Variants in BTG4 observed in about 807,000 individuals in gnomAD.
BTG4 encodes the protein BTG anti-proliferation factor 4, also known as protein BTG4.
In BTG4, 10 loss-of-function variants were observed where a neutral mutation model predicts 19.3. The ratio of observed to expected loss-of-function variants is 0.52; its 90% CI spans 0.32 to 0.88. The LOEUF is 0.88. Ranked by LOEUF, BTG4 falls within the 40% of genes least tolerant of loss-of-function variation. The pLI is 0.04. For synonymous variants in BTG4, 91 were observed against 95.7 expected (o/e 0.95, Z 0.29); for missense variants, 238 against 281.9 (o/e 0.84, Z 1.11).
At chr11:111,505,718 A>G (rs1156295437) in intron 1 of BTG4, among the ~76,000 whole-genome samples, 3 of 152,146 alleles carry the variant, frequency 2.0e-5, no homozygotes, top group Non-Finnish European at 4.4e-5. Context: ...AAATATTTAC[A>G]AATTATACCT....
chr11:111,391,486 G>T, the BTG4 span, among the ~76,000 whole-genome samples: 4 of 152,172 alleles, frequency 2.6e-5, no homozygotes, highest in South Asian at 8.3e-4. Flanking sequence ...CTCAGGTTAC[G>T]CAGAACCTAG....
upstream of BTG4, chr11:111,514,590 G>C (rs1444676226): frequency 3.3e-6 from 2 of 597,262 alleles, no homozygotes; most frequent in Non-Finnish European, 5.9e-6. Flanking sequence ...CCAAGATTTG[G>C]ACTGGTCCTA....
At chr11:111,385,694 T>A in the BTG4 span, 2 of 152,166 alleles carry the variant, frequency 1.3e-5, no homozygotes, top group Non-Finnish European at 2.9e-5. Context: ...TATTAAAGTA[T>A]CTCAATCAAA....
the BTG4 span, among the ~76,000 whole-genome samples, chr11:111,423,586 C>T: frequency 6.6e-6 from 1 of 152,224 alleles, no homozygotes; most frequent in African/African-American, 2.4e-5. Flanking sequence ...CCCACCCTTA[C>T]ACCACAGGCA....
At chr11:111,396,092 T>C in the BTG4 span, among the ~76,000 whole-genome samples, 7 of 152,064 alleles carry the variant, frequency 4.6e-5, no homozygotes. Context: ...GGCCATCAAG[T>C]AGCAAATGAT....
the BTG4 span, among the ~76,000 whole-genome samples, chr11:111,391,270 A>T: frequency 2.6e-5 from 4 of 151,854 alleles, no homozygotes; most frequent in Non-Finnish European, 5.9e-5. Flanking sequence ...TGCTGCGACA[A>T]ACTCCAAACT....
At chr11:111,388,645 G>A in the BTG4 span, among the ~76,000 whole-genome samples, 1 of 152,132 alleles carries the variant, frequency 6.6e-6, no homozygotes, top group African/African-American at 2.4e-5. Context: ...GTTCTCCCAA[G>A]GAATAGTGAT....
chr11:111,403,675 C>G, the BTG4 span, among the ~76,000 whole-genome samples: 1 of 152,188 alleles, frequency 6.6e-6, no homozygotes, highest in African/African-American at 2.4e-5. Context: ...AATTAAGCCA[C>G]TCTCACTCAA....
the BTG4 span, among the ~76,000 whole-genome samples, chr11:111,384,491 G>A: frequency 1.3e-5 from 2 of 152,168 alleles, no homozygotes; most frequent in South Asian, 4.1e-4. Context: ...GAATCAAAAT[G>A]ACAGTATACT....
the BTG4 span, chr11:111,417,542 C>T: frequency 3.9e-5 from 6 of 152,200 alleles, no homozygotes; most frequent in Non-Finnish European, 7.3e-5. Flanking sequence ...TCTGAGCTCT[C>T]GGAGCCCTTG....
the BTG4 span, among the ~76,000 whole-genome samples, chr11:111,424,111 A>G: frequency 6.6e-6 from 1 of 152,206 alleles, no homozygotes; most frequent in African/African-American, 2.4e-5. Context: ...CATCGCAAGA[A>G]ACATGTTCTT....
At chr11:111,392,763 CAT>C in the BTG4 span, among the ~76,000 whole-genome samples, 1 of 152,306 alleles carries the variant, frequency 6.6e-6, no homozygotes, top group South Asian at 2.1e-4. Context: ...ACAGTGGTAA[CAT>C]AGTTTGCTAG....
the BTG4 span, among the ~76,000 whole-genome samples, chr11:111,421,270 A>G: frequency 6.6e-6 from 1 of 152,220 alleles, no homozygotes; most frequent in Non-Finnish European, 1.5e-5. Context: ...ATGAGATGGC[A>G]TAATTAGCTA....
chr11:111,406,596 A>T, the BTG4 span, among the ~76,000 whole-genome samples: 1 of 152,192 alleles, frequency 6.6e-6, no homozygotes, highest in Non-Finnish European at 1.5e-5. Context: ...GGGGGAAAAA[A>T]CATCTCCTGA....
Position 111,498,825 on chromosome 11 carries a change from G to A in BTG4, c.-26-23C>T, listed in dbSNP as rs774870813. 1.5e-5 allele frequency: 22 copies of A among 1,464,292 alleles called. No homozygotes were observed. The Admixed American group carries it at 1.8e-4, about 12-fold the overall frequency. The allele number at this position is 1,464,292 out of a possible 1,614,324, so 90.7% of individuals were successfully genotyped here. On this transcript the variant is annotated intron_variant, in intron 1 of 4. Transcript: ENST00000692032. ...GGTCTGAATCATTAAAAGGAAGCAAGAAGAAATAGAAAGAAATGGTTTAAC... is the reference window on the plus strand; with the variant it reads ...GGTCTGAATCATTAAAAGGAAGCAAAAAGAAATAGAAAGAAATGGTTTAAC...
the BTG4 span, among the ~76,000 whole-genome samples, chr11:111,461,675 T>C: frequency 2.0e-5 from 3 of 151,696 alleles, no homozygotes; most frequent in Admixed American, 6.6e-5. Context: ...GATTGCGCCA[T>C]TGCCCTCCAG....
At chr11:111,446,766 C>G in the BTG4 span, among the ~76,000 whole-genome samples, 2 of 152,100 alleles carry the variant, frequency 1.3e-5, no homozygotes, top group African/African-American at 2.4e-5. Flanking sequence ...AAAGGCAAAG[C>G]AGATGACTGA....
downstream of BTG4, among the ~76,000 whole-genome samples, chr11:111,466,292 TA>T (rs374813908): frequency 2.3e-4 from 35 of 152,222 alleles, no homozygotes; most frequent in African/African-American, 7.7e-4. Context: ...CAAAAACAAT[TA>T]AAAAAATAGA....
At chr11:111,429,738 A>C in the BTG4 span, among the ~76,000 whole-genome samples, 1 of 152,236 alleles carries the variant, frequency 6.6e-6, no homozygotes, top group South Asian at 2.1e-4. Flanking sequence ...AGCAACTGCT[A>C]AGCATTTGTT....
Sources: gnomAD v4.1 joint callset for allele counts (sites outside exome capture counted in the v4.1 genomes callset) on GRCh38, gnomAD v4.1.1 for gene constraint, MANE v1.5 for transcripts, NCBI Gene and HGNC (gene_info 2026-07-23, HGNC 2026-07-21) for gene names.